NOX4: variants seen among roughly 807,000 people sequenced by gnomAD.
The protein encoded by NOX4 is NADPH oxidase 4.
In NOX4, 69 loss-of-function variants were observed where a neutral mutation model predicts 87.6. The observed-to-expected ratio is 0.79, with a 90% CI of 0.65 to 0.96. The LOEUF (loss-of-function observed/expected upper bound fraction) is 0.96, where lower values mean the gene tolerates loss of function less well. NOX4 is among the 40% of genes least tolerant of loss of function. The pLI is 0.00. For synonymous variants in NOX4, 275 were observed against 238.2 expected (o/e 1.15, Z -1.42); for missense variants, 680 against 681.5 (o/e 1.00, Z 0.02).
chr11:89,540,984 C>A, the NOX4 span, among the ~76,000 whole-genome samples: 1 of 151,772 alleles, frequency 6.6e-6, no homozygotes, highest in South Asian at 2.1e-4. Flanking sequence ...GAAGAGTCAA[C>A]AAAGTACTTT....
At chr11:89,395,516 CA>C (rs1941424656) in intron 11 of NOX4, among the ~76,000 whole-genome samples, 1 of 152,092 alleles carries the variant, frequency 6.6e-6, no homozygotes, top group Non-Finnish European at 1.5e-5. Context: ...AATTAGATCC[CA>C]TTTGCCTATT....
At chr11:89,397,963 T>G (rs1941596887) in intron 11 of NOX4, among the ~76,000 whole-genome samples, 1 of 152,128 alleles carries the variant, frequency 6.6e-6, no homozygotes, top group Admixed American at 6.6e-5. Flanking sequence ...CTAACTCATT[T>G]TATGAGGCCA....
chr11:89,395,990 C>A (rs1232451841), intron 11 of NOX4, among the ~76,000 whole-genome samples: 1 of 152,078 alleles, frequency 6.6e-6, no homozygotes, highest in Non-Finnish European at 1.5e-5. Flanking sequence ...AATACAGGCT[C>A]TTTTATGGTT....
intron 3 of NOX4, among the ~76,000 whole-genome samples, chr11:89,450,561 A>G (rs1326564264): frequency 6.6e-6 from 1 of 152,022 alleles, no homozygotes; most frequent in Non-Finnish European, 1.5e-5. Context: ...ATAATACATG[A>G]CATCACTATT....
chr11:89,573,355 T>G, the NOX4 span, among the ~76,000 whole-genome samples: 1 of 152,062 alleles, frequency 6.6e-6, no homozygotes, highest in African/African-American at 2.4e-5. Flanking sequence ...GCTAACACAG[T>G]GAAACCCTGT....
chr11:89,329,089 C>T (rs1945341441), intron 17 of NOX4, among the ~76,000 whole-genome samples: 1 of 151,590 alleles, frequency 6.6e-6, no homozygotes, highest in Non-Finnish European at 1.5e-5. Flanking sequence ...CAGAAACAGG[C>T]TCAGAATGAT....
At chr11:89,509,163 C>G in the NOX4 span, among the ~76,000 whole-genome samples, 3,394 of 152,032 alleles carry the variant, frequency 0.022, 119 homozygotes, top group African/African-American at 0.073. Context: ...TCTGAGCAAA[C>G]CTAATTACCA....
chr11:89,510,789 T>C, the NOX4 span, among the ~76,000 whole-genome samples: 3 of 152,064 alleles, frequency 2.0e-5, no homozygotes, highest in East Asian at 5.8e-4. Flanking sequence ...ACTTGAGAAA[T>C]ATCGGTTTGG....
the NOX4 span, among the ~76,000 whole-genome samples, chr11:89,566,770 G>A: frequency 6.6e-6 from 1 of 152,154 alleles, no homozygotes; most frequent in East Asian, 1.9e-4. Flanking sequence ...AGGAAGCTGG[G>A]AACCCTGCAT....
intron 7 of NOX4, among the ~76,000 whole-genome samples, chr11:89,422,795 AT>A (rs147956211): frequency 0.31 from 34,636 of 110,754 alleles, 3,818 homozygotes; most frequent in South Asian, 0.41. Flanking sequence ...CAAAGTTCTG[AT>A]TTTTTTTTTT....
chr11:89,373,299 C>CCA (rs1939593047), intron 12 of NOX4, 133 bp downstream of exon 12: 1 of 162,720 alleles, frequency 6.1e-6, no homozygotes, highest in Non-Finnish European at 1.3e-5. Context: ...AAAAAAAAAA[C>CCA]AAAAAAAAAC....
At chr11:89,336,744 C>G (rs1945731168) in intron 16 of NOX4, among the ~76,000 whole-genome samples, 1 of 151,944 alleles carries the variant, frequency 6.6e-6, no homozygotes, top group Non-Finnish European at 1.5e-5. Context: ...AAATGAAATA[C>G]TATTTACATA....
chr11:89,503,435 C>A, the NOX4 span, among the ~76,000 whole-genome samples: 4 of 151,856 alleles, frequency 2.6e-5, no homozygotes, highest in Non-Finnish European at 2.9e-5. Context: ...ATATTCAACA[C>A]AATGTTAAAA....
chr11:89,580,625 C>T, the NOX4 span, among the ~76,000 whole-genome samples: 1 of 152,088 alleles, frequency 6.6e-6, no homozygotes, highest in Non-Finnish European at 1.5e-5. Flanking sequence ...GTAAAATTCT[C>T]ATTGGGAATA....
intron 9 of NOX4, among the ~76,000 whole-genome samples, chr11:89,401,450 C>T (rs919796556): frequency 4.6e-5 from 7 of 151,938 alleles, no homozygotes; most frequent in Admixed American, 1.3e-4. Context: ...ATAATAAACA[C>T]GACTAATACA....
chr11:89,380,950 T>C (rs1940240538), intron 11 of NOX4, among the ~76,000 whole-genome samples: 1 of 152,120 alleles, frequency 6.6e-6, no homozygotes, highest in Non-Finnish European at 1.5e-5. Context: ...AGACCAGAGA[T>C]CAAAACTGCT....
intron 8 of NOX4, among the ~76,000 whole-genome samples, chr11:89,417,452 A>G (rs1942845965): frequency 6.6e-6 from 1 of 152,170 alleles, no homozygotes; most frequent in Non-Finnish European, 1.5e-5. Flanking sequence ...CCAAAAAGGT[A>G]TATTAAAAAT....
At chr11:89,470,296 T>C (rs1945874870) in intron 2 of NOX4, among the ~76,000 whole-genome samples, 2 of 152,112 alleles carry the variant, frequency 1.3e-5, no homozygotes, top group Non-Finnish European at 2.9e-5. Context: ...CCAGGCTGCC[T>C]TTCCAGCCAC....
chr11:89,348,283 C>T (rs1297489263), intron 13 of NOX4, among the ~76,000 whole-genome samples: 1 of 152,006 alleles, frequency 6.6e-6, no homozygotes, highest in African/African-American at 2.4e-5. Context: ...GGCATGGTAG[C>T]ACATGCCTGT....
Sources: allele counts gnomAD v4.1 joint callset (sites outside exome capture counted in the v4.1 genomes callset), GRCh38; gene constraint gnomAD v4.1.1; transcripts MANE v1.5; gene names NCBI Gene and HGNC (gene_info 2026-07-23, HGNC 2026-07-21).